The following MARK3 variants were observed in gnomAD, a reference collection of about 807,000 sequenced individuals.
MARK3 encodes microtubule affinity regulating kinase 3, also known as MAP/microtubule affinity-regulating kinase 3.
A neutral mutation model predicts 90.1 loss-of-function variants in MARK3; 46 were observed. The observed-to-expected ratio is 0.51, with a 90% CI of 0.40 to 0.65. The LOEUF (loss-of-function observed/expected upper bound fraction) is 0.65. Among genes scored for constraint, MARK3 ranks in the 30% least tolerant of loss-of-function variants. The probability of loss-of-function intolerance (pLI) is 0.00; values close to 1 mark genes in which losing one functional copy is unlikely to be tolerated. For missense variants in MARK3, 818 were observed against 947.2 expected (o/e 0.86, Z 1.79); for synonymous variants, 321 against 332.6 (o/e 0.97, Z 0.38).
At chr14:103,466,731 G>C (rs185333947) in intron 10 of MARK3, among the ~76,000 whole-genome samples, 1 of 152,110 alleles carries the variant, frequency 6.6e-6, no homozygotes, top group Non-Finnish European at 1.5e-5. Context: ...CTGGCCGGGC[G>C]TGGTGGCTCA....
At chr14:103,459,353 A>T (rs1052137867) in intron 6 of MARK3, among the ~76,000 whole-genome samples, 25 of 152,186 alleles carry the variant, frequency 1.6e-4, no homozygotes, top group African/African-American at 5.8e-4. Context: ...GTTTGTATGT[A>T]TGTGTTTTTT....
intron 2 of MARK3, among the ~76,000 whole-genome samples, chr14:103,423,960 C>T (rs988653157): frequency 6.6e-6 from 1 of 152,158 alleles, no homozygotes; most frequent in Non-Finnish European, 1.5e-5. Context: ...AATTCCAGCA[C>T]TTTGGGAGGC....
chr14:103,395,260 G>T (rs2090507170), intron 1 of MARK3, among the ~76,000 whole-genome samples: 1 of 151,520 alleles, frequency 6.6e-6, no homozygotes, highest in Non-Finnish European at 1.5e-5. Context: ...AGAATTTAGA[G>T]TTATAGACTG....
chr14:103,501,838 A>C (rs2075684754), intron 17 of MARK3, among the ~76,000 whole-genome samples: 1 of 152,160 alleles, frequency 6.6e-6, no homozygotes, highest in African/African-American at 2.4e-5. Context: ...TATACATAGG[A>C]AGCTTCTCTC....
intron 14 of MARK3, chr14:103,489,722 G>A (rs1317011982): frequency 1.3e-5 from 2 of 152,168 alleles, no homozygotes. Flanking sequence ...GAAAGACACT[G>A]GAAGAGCTGT....
chr14:103,433,179 G>A (rs1402043736), intron 3 of MARK3, among the ~76,000 whole-genome samples: 3 of 149,422 alleles, frequency 2.0e-5, no homozygotes, highest in Non-Finnish European at 4.4e-5. Context: ...TCTGCCTCCC[G>A]GGTTCAAGAG....
At chr14:103,449,591 C>G (rs943519656) in intron 4 of MARK3, among the ~76,000 whole-genome samples, 3 of 152,030 alleles carry the variant, frequency 2.0e-5, no homozygotes, top group African/African-American at 7.2e-5. Context: ...GATTTGTTTT[C>G]TGTGTCCTCT....
chr14:103,415,309 G>C (rs2091898919), intron 2 of MARK3, among the ~76,000 whole-genome samples: 1 of 152,018 alleles, frequency 6.6e-6, no homozygotes, highest in Non-Finnish European at 1.5e-5. Context: ...CCTTTAAATA[G>C]CCTAGTTATG....
chr14:103,405,588 G>A (rs545346566), intron 2 of MARK3, among the ~76,000 whole-genome samples: 9 of 152,136 alleles, frequency 5.9e-5, no homozygotes, highest in South Asian at 2.1e-4. Flanking sequence ...TGATCCGCCC[G>A]TCTCGGCCTC....
chr14:103,470,644 C>T (rs1046591667), intron 12 of MARK3, among the ~76,000 whole-genome samples: 7 of 151,042 alleles, frequency 4.6e-5, no homozygotes, highest in Non-Finnish European at 8.9e-5. Context: ...TTAGTAGAGA[C>T]GGGGTTTCAC....
chr14:103,412,184 T>C, intron 2 of MARK3: 2 of 1,347,206 alleles, frequency 1.5e-6, no homozygotes, highest in Non-Finnish European at 2.1e-6. Context: ...TTCTGCCAGT[T>C]TTTTCTCGAG....
At chr14:103,462,296 A>G (rs1211817902) in intron 6 of MARK3, 109 bp from the exon 7 acceptor site, 13 of 679,312 alleles carry the variant, frequency 1.9e-5, no homozygotes, top group South Asian at 8.2e-5. Context: ...CCACACGGAC[A>G]TTCGAGCGTA....
At chr14:103,456,355 A>T (rs1468034379) in intron 5 of MARK3, among the ~76,000 whole-genome samples, 4 of 152,184 alleles carry the variant, frequency 2.6e-5, no homozygotes, top group African/African-American at 9.7e-5. Context: ...TCTCACTTGT[A>T]GTAGAGCCAG....
intron 14 of MARK3, among the ~76,000 whole-genome samples, chr14:103,482,898 G>A (rs2093852141): frequency 6.6e-6 from 1 of 152,164 alleles, no homozygotes; most frequent in Non-Finnish European, 1.5e-5. Flanking sequence ...ATCAGTCATT[G>A]AAATACTTTG....
In MARK3 at chr14:103,502,886, A is replaced by C. The variant is rs1419310008; in HGVS notation, c.1921A>C (p.Asn641His). ...ACCTGCCTCTATGCATTTCAGTCGC[A>C]ATGTATCTGCTGAGCAAAAAGATGA... ...RNGRYEGSSR[N>H]VSAEQKDENK... The change falls in exon 18 of 18, where the codon AAT becomes CAT. Residue 641 changes from asparagine to histidine, a missense_variant. Physicochemically the swap from Asn to His is moderately conservative, Grantham distance 68. Transcript: ENST00000429436. The C allele has an allele frequency of 1.9e-6, 3 of 1,606,166 alleles. No homozygotes were observed. Among genetic ancestry groups the C allele is most frequent in the Non-Finnish European group, 2.6e-6 (3 of 1,174,042 alleles).
At chr14:103,485,107 A>G (rs1784693108) in intron 14 of MARK3, among the ~76,000 whole-genome samples, 1 of 141,194 alleles carries the variant, frequency 7.1e-6, no homozygotes, top group Admixed American at 7.1e-5. Flanking sequence ...GCGCATGCCT[A>G]TAATCCCAGC....
At chr14:103,392,276 C>G in intron 1 of MARK3, among the ~76,000 whole-genome samples, 1 of 152,322 alleles carries the variant, frequency 6.6e-6, no homozygotes, top group East Asian at 1.9e-4. Context: ...ACATAGCTTT[C>G]CTGCTCTTTA....
rs566919133 is a variant in MARK3 at position 103,463,970 on chromosome 14, G to T, written c.540+1509G>T. 2.0e-5 allele frequency among the ~76,000 whole-genome samples: 3 copies of T among 152,230 alleles called. No homozygotes were observed. In the East Asian group the frequency reaches 5.8e-4, roughly 29 times the overall value. The stretch of plus-strand genomic sequence containing the variant: ...ATACTGTGTCTCACATGGGTTCTCA[G>T]ACTCTTTATTCTGCCTGAAATACCC... On this transcript the variant is annotated intron_variant, in intron 7 of 17. Coordinates refer to ENST00000429436, the MANE Select transcript of MARK3 (RefSeq NM_001128918.3).
At chr14:103,455,756 C>A (rs1428978625) in intron 5 of MARK3, among the ~76,000 whole-genome samples, 4 of 148,928 alleles carry the variant, frequency 2.7e-5, no homozygotes, top group Admixed American at 2.7e-4. Context: ...ATTATGCAAT[C>A]AAGTAATAAC....
Sources: allele counts gnomAD v4.1 joint callset (sites outside exome capture counted in the v4.1 genomes callset), GRCh38; gene constraint gnomAD v4.1.1; transcripts MANE v1.5; gene names NCBI Gene and HGNC (gene_info 2026-07-23, HGNC 2026-07-21).